FANCB: variants seen among roughly 807,000 people sequenced by gnomAD.
FANCB encodes the protein FA complementation group B, also known as Fanconi anemia group B protein.
In FANCB, 5 loss-of-function variants were observed where a neutral mutation model predicts 38.9. The observed-to-expected ratio is 0.13, with a 90% CI of 0.07 to 0.27. The LOEUF (loss-of-function observed/expected upper bound fraction) is 0.27. Ranked by LOEUF, FANCB falls within the 10% of genes least tolerant of loss-of-function variation. The probability of loss-of-function intolerance (pLI) is 1.00; values close to 1 mark genes in which losing one functional copy is unlikely to be tolerated. For synonymous variants in FANCB, 236 were observed against 215.4 expected, an observed-to-expected ratio of 1.10 and a Z score of -0.84; for missense variants, 573 against 602.7, an observed-to-expected ratio of 0.95 and a Z score of 0.52.
At chrX:14,834,874 T>A, downstream of FANCB, 1 of 610,852 alleles carries the variant, frequency 1.6e-6, no homozygotes, top group Non-Finnish European at 2.7e-6. Flanking sequence ...TGTGGAAACT[T>A]GCTACCACTT....
the FANCB span, among the ~76,000 whole-genome samples, chrX:14,698,146 G>A: frequency 1.8e-5 from 2 of 111,581 alleles, no homozygotes; most frequent in African/African-American, 6.5e-5. Context: ...GTCAGATCCT[G>A]TTTTATTTTT....
chrX:14,773,766 G>T, the FANCB span, among the ~76,000 whole-genome samples: 1 of 111,994 alleles, frequency 8.9e-6, no homozygotes, highest in Non-Finnish European at 1.9e-5. Context: ...TATCACCAGG[G>T]CACTCTGTAT....
the FANCB span, among the ~76,000 whole-genome samples, chrX:14,759,233 C>T: frequency 1.8e-5 from 2 of 110,993 alleles, no homozygotes; most frequent in Non-Finnish European, 3.8e-5. Context: ...GTTAAATGAC[C>T]AAACCTAAGA....
chrX:14,870,036 G>T (rs1602012434), intron 1 of FANCB, among the ~76,000 whole-genome samples: 1 of 111,718 alleles, frequency 9.0e-6, no homozygotes. Context: ...TTTAATGTTT[G>T]CTATTTATTA....
At chrX:14,854,673 T>C (rs2092416183) in intron 5 of FANCB, among the ~76,000 whole-genome samples, 1 of 111,640 alleles carries the variant, frequency 9.0e-6, no homozygotes, top group African/African-American at 3.3e-5. Flanking sequence ...TTGTTCATTA[T>C]TGTGATCTCT....
intron 3 of FANCB, 96 bp downstream of exon 3, chrX:14,864,464 T>TA: frequency 1.7e-6 from 1 of 590,210 alleles, no homozygotes; most frequent in Non-Finnish European, 2.9e-6. Flanking sequence ...AAAATTGACT[T>TA]AGACAATAAG....
At chrX:14,788,997 G>A in the FANCB span, among the ~76,000 whole-genome samples, 1 of 111,995 alleles carries the variant, frequency 8.9e-6, no homozygotes, top group African/African-American at 3.2e-5. Flanking sequence ...TAGTGATGGT[G>A]GCAATATTTA....
chrX:14,819,180 G>A, the FANCB span, among the ~76,000 whole-genome samples: 1 of 112,022 alleles, frequency 8.9e-6, no homozygotes, highest in Non-Finnish European at 1.9e-5. Context: ...TCTAGAAGAT[G>A]GGTTCTAGGG....
the FANCB span, among the ~76,000 whole-genome samples, chrX:14,796,330 T>G: frequency 5.7e-5 from 6 of 105,938 alleles, no homozygotes; most frequent in South Asian, 2.0e-3. Flanking sequence ...TTAGTCAGAG[T>G]TCTCCAGAAA....
At chrX:14,698,068 C>T in the FANCB span, among the ~76,000 whole-genome samples, 1 of 111,135 alleles carries the variant, frequency 9.0e-6, no homozygotes, top group African/African-American at 3.3e-5. Context: ...GAAACTAATG[C>T]AAAAAGAAAA....
In FANCB at chrX:14,864,695, A is replaced by T; in HGVS notation, c.816T>A (p.Thr272=). 1 of 1,211,025 alleles carries T rather than the reference A, an allele frequency of 8.3e-7. No homozygotes were observed. The highest frequency in any genetic ancestry group is 1.1e-6 in the Non-Finnish European group (1 of 894,644). The part of the protein sequence containing the change: ...KNQLISFQNG[T]PKNVCQLPFG... ...ATGGAAGCTGGCACACATTTTTAGG[A>T]GTTCCATTCTGAAATGAAATCAGCT... Residue 272 remains threonine (T), a synonymous_variant, in exon 3 of 10, where the codon ACT becomes ACA. Transcript: ENST00000650831.
At chrX:14,730,612 T>A in the FANCB span, 1 of 95,681 alleles carries the variant, frequency 1.0e-5, no homozygotes, top group Non-Finnish European at 2.0e-5. Context: ...GTCATGGGGG[T>A]GGGTTTCCTG....
the FANCB span, among the ~76,000 whole-genome samples, chrX:14,737,642 C>T: frequency 4.1e-4 from 46 of 111,820 alleles, no homozygotes; most frequent in African/African-American, 1.2e-3. Context: ...TAAAGCCATT[C>T]GCATGGTGTC....
At chrX:14,850,946 T>C (rs2092398921) in intron 6 of FANCB, among the ~76,000 whole-genome samples, 1 of 110,701 alleles carries the variant, frequency 9.0e-6, no homozygotes, top group Non-Finnish European at 1.9e-5. Context: ...GAGGTAAACC[T>C]GGAGTCCATT....
At chrX:14,713,758 T>C in the FANCB span, among the ~76,000 whole-genome samples, 2 of 111,456 alleles carry the variant, frequency 1.8e-5, no homozygotes, top group African/African-American at 6.5e-5. Flanking sequence ...AAATGTTTGC[T>C]GACTCCTGGG....
chrX:14,834,417 T>C (rs6628546), downstream of FANCB: 30 of 412,584 alleles, frequency 7.3e-5, no homozygotes, highest in East Asian at 7.7e-4. Flanking sequence ...ATATCAACTG[T>C]TATGGAAATG....
chrX:14,816,174 G>A, the FANCB span, among the ~76,000 whole-genome samples: 3 of 111,399 alleles, frequency 2.7e-5, no homozygotes, highest in South Asian at 1.1e-3. Flanking sequence ...AAATAAAAAA[G>A]AATTGAACAA....
chrX:14,692,329 A>G, the FANCB span, among the ~76,000 whole-genome samples: 1 of 112,414 alleles, frequency 8.9e-6, no homozygotes, highest in Non-Finnish European at 1.9e-5. Context: ...TCACATTCAC[A>G]GAAGTCCAGC....
intron 1 of FANCB, among the ~76,000 whole-genome samples, chrX:14,869,907 C>T (rs2074043203): frequency 8.9e-6 from 1 of 112,156 alleles, no homozygotes. Context: ...GATCTAAAAA[C>T]ATAAATGACT....
Sources: allele counts gnomAD v4.1 joint callset (sites outside exome capture counted in the v4.1 genomes callset), GRCh38; gene constraint gnomAD v4.1.1; transcripts MANE v1.5; gene names NCBI Gene and HGNC (gene_info 2026-07-23, HGNC 2026-07-21).